ADGRL2: variants seen among roughly 807,000 people sequenced by gnomAD.
ADGRL2 encodes the protein calcium-independent alpha-latrotoxin receptor 2.
ADGRL2 carries 44 observed loss-of-function variants against 157.4 expected under a neutral mutation model. That is an observed-to-expected ratio of 0.28 (90% CI 0.22 to 0.36). The LOEUF (loss-of-function observed/expected upper bound fraction) is 0.36, where lower values mean the gene tolerates loss of function less well. Among genes scored for constraint, ADGRL2 ranks in the 10% least tolerant of loss-of-function variants. The pLI is 1.00. For synonymous variants in ADGRL2, 585 were observed against 624.7 expected (o/e 0.94, Z 0.95); for missense variants, 1,510 against 1,768.9 (o/e 0.85, Z 2.63).
At chr1:81,553,131 T>C (rs1255965386) in intron 2 of ADGRL2, among the ~76,000 whole-genome samples, 3 of 152,174 alleles carry the variant, frequency 2.0e-5, no homozygotes, top group African/African-American at 7.2e-5. Context: ...AAAGGAAGAA[T>C]AAATTTTTAG....
intron 1 of ADGRL2, among the ~76,000 whole-genome samples, chr1:81,761,127 A>G (rs1297732815): frequency 2.6e-5 from 4 of 151,926 alleles, no homozygotes; most frequent in Non-Finnish European, 5.9e-5. Context: ...ATTAGGATTT[A>G]TAGTTTGAAA....
At chr1:81,852,571 C>A (rs915012324) in intron 2 of ADGRL2, among the ~76,000 whole-genome samples, 1 of 152,116 alleles carries the variant, frequency 6.6e-6, no homozygotes, top group Non-Finnish European at 1.5e-5. Context: ...AAAGTATGAT[C>A]ATTATGAAAT....
intron 3 of ADGRL2, among the ~76,000 whole-genome samples, chr1:81,629,321 C>A (rs2081967392): frequency 2.0e-5 from 3 of 151,732 alleles, no homozygotes; most frequent in Admixed American, 1.3e-4. Flanking sequence ...ATATTGAATG[C>A]CTGAAGGTAT....
intron 1 of ADGRL2, among the ~76,000 whole-genome samples, chr1:81,732,553 A>T (rs2084761301): frequency 6.6e-6 from 1 of 152,214 alleles, no homozygotes; most frequent in South Asian, 2.1e-4. Context: ...ACCTTCATAA[A>T]AATCTCAGAG....
chr1:81,647,682 T>A (rs2082340286), intron 3 of ADGRL2, among the ~76,000 whole-genome samples: 1 of 152,174 alleles, frequency 6.6e-6, no homozygotes, highest in Admixed American at 6.5e-5. Context: ...CAAGCTCTAT[T>A]AGTCATAATG....
At chr1:81,606,315 C>T (rs1398576888) in intron 3 of ADGRL2, among the ~76,000 whole-genome samples, 1 of 152,200 alleles carries the variant, frequency 6.6e-6, no homozygotes, top group Admixed American at 6.5e-5. Context: ...TCTTTCATTT[C>T]ATTTGATCTT....
intron 2 of ADGRL2, among the ~76,000 whole-genome samples, chr1:81,780,318 T>C (rs2086760959): frequency 6.6e-6 from 1 of 152,090 alleles, no homozygotes; most frequent in Admixed American, 6.5e-5. Context: ...ACAAGCAGCA[T>C]GAAATAGTAG....
intron 2 of ADGRL2, among the ~76,000 whole-genome samples, chr1:81,534,413 T>C (rs1464238844): frequency 1.3e-5 from 2 of 152,174 alleles, no homozygotes; most frequent in African/African-American, 4.8e-5. Context: ...CCACCAGCCT[T>C]GGCCTCCCAA....
chr1:81,663,770 A>G (rs544269370), intron 3 of ADGRL2, among the ~76,000 whole-genome samples: 1 of 152,324 alleles, frequency 6.6e-6, no homozygotes, highest in East Asian at 1.9e-4. Context: ...TGGTCATGCT[A>G]ATCGTTAAAG....
intron 2 of ADGRL2, among the ~76,000 whole-genome samples, chr1:81,858,399 A>G (rs2093277355): frequency 1.3e-5 from 2 of 152,208 alleles, no homozygotes; most frequent in Admixed American, 1.3e-4. Context: ...AGTTTTTACT[A>G]AATGCAACTT....
At chr1:81,363,259 T>C (rs752040373) in intron 1 of ADGRL2, among the ~76,000 whole-genome samples, 22 of 152,112 alleles carry the variant, frequency 1.4e-4, no homozygotes, top group Non-Finnish European at 2.4e-4. Flanking sequence ...AGAGGCTTTC[T>C]GTGATATTTC....
intron 1 of ADGRL2, among the ~76,000 whole-genome samples, chr1:81,817,050 A>G (rs1438812628): frequency 1.3e-5 from 2 of 151,710 alleles, no homozygotes; most frequent in African/African-American, 4.8e-5. Flanking sequence ...TCATCCACAT[A>G]ATAAATGAAC....
Position 81,478,639 on chromosome 1 carries a change from G to A in ADGRL2, c.-248+33550G>A, listed in dbSNP as rs565279741. 5.4e-4 allele frequency among the ~76,000 whole-genome samples: 82 copies of A among 152,188 alleles called. 1 individual carries two copies. In the South Asian group the frequency reaches 7.9e-3, roughly 15 times the overall value. On this transcript the variant is annotated intron_variant, in intron 2 of 24. Coordinates refer to the ADGRL2 transcript ENST00000370721. ...ATTCAAGGCTCCTTCTGGTTTGATC[G>A]GCTACAATTTGTAGTCGTCTTATTA...
intron 1 of ADGRL2, among the ~76,000 whole-genome samples, chr1:81,709,881 G>A (rs1490023321): frequency 1.3e-5 from 2 of 152,108 alleles, no homozygotes; most frequent in African/African-American, 4.8e-5. Flanking sequence ...CATTAATAAT[G>A]AAAGAAGTAA....
intron 3 of ADGRL2, among the ~76,000 whole-genome samples, chr1:81,614,847 T>TAAA (rs112809079): frequency 3.4e-5 from 5 of 145,392 alleles, no homozygotes; most frequent in South Asian, 4.4e-4. Flanking sequence ...CTCTACAAAT[T>TAAA]AAAAAAAAAA....
At chr1:81,895,559 A>T (rs1571973400) in intron 2 of ADGRL2, among the ~76,000 whole-genome samples, 1 of 151,368 alleles carries the variant, frequency 6.6e-6, no homozygotes, top group East Asian at 1.9e-4. Flanking sequence ...CAGCTAGCTA[A>T]TTTTTTTGTA....
chr1:81,435,736 A>G (rs12047258), intron 1 of ADGRL2, among the ~76,000 whole-genome samples: 2,061 of 152,302 alleles, frequency 0.014, 31 homozygotes, highest in South Asian at 0.057. Context: ...AATATTTCTT[A>G]CACTGAAACA....
intron 1 of ADGRL2, among the ~76,000 whole-genome samples, chr1:81,831,986 T>C (rs967674808): frequency 6.6e-6 from 1 of 152,172 alleles, no homozygotes; most frequent in African/African-American, 2.4e-5. Flanking sequence ...CTGACCTTTA[T>C]AATACTGATC....
At chr1:81,423,167 G>T (rs929296276) in intron 1 of ADGRL2, among the ~76,000 whole-genome samples, 1 of 152,178 alleles carries the variant, frequency 6.6e-6, no homozygotes, top group African/African-American at 2.4e-5. Context: ...TGAACTGCAG[G>T]ACGCAGTTTT....
Sources: allele counts gnomAD v4.1 joint callset (sites outside exome capture counted in the v4.1 genomes callset), GRCh38; gene constraint gnomAD v4.1.1; transcripts MANE v1.5; gene names NCBI Gene and HGNC (gene_info 2026-07-23, HGNC 2026-07-21).